Variants in NOL4L observed in about 807,000 individuals in gnomAD.
NOL4L encodes the protein nucleolar protein 4 like.
Under a neutral mutation model 64.5 loss-of-function variants are expected in NOL4L, and 7 were observed. The ratio of observed to expected loss-of-function variants is 0.11; its 90% CI spans 0.06 to 0.20. The LOEUF is 0.20. NOL4L is among the 10% of genes least tolerant of loss of function. NOL4L has a pLI of 1.00. For synonymous variants in NOL4L, 413 were observed against 401.0 expected, an observed-to-expected ratio of 1.03 and a Z score of -0.36; for missense variants, 680 against 967.1, an observed-to-expected ratio of 0.70 and a Z score of 3.94.
In NOL4L at chr20:32,463,233, C is replaced by T. The variant is rs1378335431; in HGVS notation, c.842-6838G>A. The stretch of plus-strand genomic sequence containing the variant: ...GGAAGCTGGGAGTTCTGGATGGACC[C>T]TCCACACCTGGAGCTGGAAGTGGAA... On this transcript the variant is annotated intron_variant, in intron 5 of 10. Transcript: ENST00000621426. The surrounding 1 kb of genome is among the most constrained non-coding windows in gnomAD (Gnocchi z 5.8). Among the ~76,000 whole-genome samples, 1 of 152,226 alleles carries T rather than the reference C, an allele frequency of 6.6e-6. No homozygotes were observed. Among genetic ancestry groups the T allele is most frequent in the Non-Finnish European group, 1.5e-5 (1 of 68,028 alleles).
intron 5 of NOL4L, among the ~76,000 whole-genome samples, chr20:32,462,511 G>A (rs1361905240): frequency 1.3e-5 from 2 of 152,160 alleles, no homozygotes; most frequent in Non-Finnish European, 2.9e-5. Flanking sequence ...ACCTGGCCAG[G>A]AGAACGCGCC....
intron 1 of NOL4L, chr20:32,548,499 A>G (rs1260746739): frequency 6.4e-6 from 1 of 155,830 alleles, no homozygotes; most frequent in South Asian, 1.8e-4. Flanking sequence ...AGATCATGTG[A>G]ACTGAGATCT....
chr20:32,561,713 C>T (rs1416182752), intron 1 of NOL4L, among the ~76,000 whole-genome samples: 2 of 152,216 alleles, frequency 1.3e-5, no homozygotes, highest in African/African-American at 4.8e-5. Flanking sequence ...GCCCAAATCC[C>T]AGCTTTGTCT....
chr20:32,451,132 C>G (rs1468359449), intron 10 of NOL4L, among the ~76,000 whole-genome samples: 2 of 152,122 alleles, frequency 1.3e-5, no homozygotes, highest in African/African-American at 4.8e-5. Context: ...CATGTTTAGC[C>G]AAGACCTTGC....
At chr20:32,512,022 A>G (rs1016143122) in intron 3 of NOL4L, among the ~76,000 whole-genome samples, 2 of 152,090 alleles carry the variant, frequency 1.3e-5, no homozygotes, top group African/African-American at 4.8e-5. Flanking sequence ...CTAAAAAACA[A>G]ACAAAAAAAC....
intron 1 of NOL4L, among the ~76,000 whole-genome samples, chr20:32,543,354 T>A (rs570335604): frequency 2.1e-4 from 32 of 152,240 alleles, no homozygotes; most frequent in African/African-American, 7.7e-4. Flanking sequence ...GCACGGTGGC[T>A]CATGCCTGTA....
intron 4 of NOL4L, chr20:32,475,112 T>C (rs750156705): frequency 1.4e-4 from 137 of 985,298 alleles, no homozygotes; most frequent in Non-Finnish European, 1.6e-4. Context: ...CGGGGCTCAC[T>C]CTGCACAGGA....
intron 1 of NOL4L, among the ~76,000 whole-genome samples, chr20:32,582,810 C>T (rs1365975316): frequency 6.6e-6 from 1 of 152,174 alleles, no homozygotes; most frequent in African/African-American, 2.4e-5. Flanking sequence ...AACCGCCCTC[C>T]GGCGGGGGGC....
At chr20:32,546,423 G>A (rs1412416340) in intron 1 of NOL4L, among the ~76,000 whole-genome samples, 1 of 152,022 alleles carries the variant, frequency 6.6e-6, no homozygotes, top group Non-Finnish European at 1.5e-5. Flanking sequence ...TTTTAGTAGA[G>A]ACAGGGTTTC....
intron 1 of NOL4L, among the ~76,000 whole-genome samples, chr20:32,559,692 C>T (rs889291105): frequency 4.6e-5 from 7 of 152,216 alleles, no homozygotes; most frequent in Non-Finnish European, 8.8e-5. Context: ...TGGCCTAGTT[C>T]TGAGGGCCCA....
At chr20:32,521,846 A>C (rs1163343737) in intron 2 of NOL4L, among the ~76,000 whole-genome samples, 1 of 152,126 alleles carries the variant, frequency 6.6e-6, no homozygotes, top group African/African-American at 2.4e-5. Context: ...CTGGTTTTCC[A>C]TGTGCTTCCT....
In NOL4L at chr20:32,527,885, C is replaced by T. The variant is rs1352025849; in HGVS notation, c.350G>A (p.Gly117Asp). The T allele has an allele frequency of 1.3e-6, 2 of 1,550,464 alleles. No homozygotes were observed. The highest frequency in any genetic ancestry group is 1.7e-6 in the Non-Finnish European group (2 of 1,146,916). Residue 117 changes from glycine to aspartate, a missense_variant, in exon 2 of 11, where the codon GGC (glycine) becomes GAC (aspartate). Around this residue, in one of 4 missense-constraint regions of NOL4L, gnomAD observed 181 missense variants for 335.2 expected, o/e 0.54. Transcript: ENST00000621426. ...CACAGCGACCCGCTTCAGAGAGATG[C>T]CCTCTGGCTCCGACAGGCCATCTGC... The part of the protein sequence containing the change: ...SGADGLSEPE[G>D]ISLKRVAVVE...
intron 1 of NOL4L, among the ~76,000 whole-genome samples, chr20:32,547,776 C>G (rs745485791): frequency 6.6e-5 from 10 of 152,152 alleles, no homozygotes; most frequent in African/African-American, 2.4e-4. Flanking sequence ...GGATTTGAGG[C>G]CCCTGGAAGC....
intron 1 of NOL4L, among the ~76,000 whole-genome samples, chr20:32,551,237 G>A (rs1004422466): frequency 1.5e-4 from 23 of 152,038 alleles, no homozygotes; most frequent in Admixed American, 1.4e-3. Context: ...TTAGCCGGGC[G>A]TGATGGTGGG....
At chr20:32,477,212 G>A (rs1053927993) in intron 4 of NOL4L, among the ~76,000 whole-genome samples, 6 of 152,216 alleles carry the variant, frequency 3.9e-5, no homozygotes, top group African/African-American at 7.2e-5. Context: ...CCCTGGACTT[G>A]TGGTATTTCA....
At chr20:32,560,800 C>T (rs1322270322) in intron 1 of NOL4L, among the ~76,000 whole-genome samples, 4 of 152,254 alleles carry the variant, frequency 2.6e-5, no homozygotes, top group Non-Finnish European at 5.9e-5. Context: ...GACAGACTGA[C>T]GGATGGGACT....
intron 5 of NOL4L, among the ~76,000 whole-genome samples, chr20:32,466,890 T>C (rs1484337113): frequency 1.3e-5 from 2 of 152,094 alleles, no homozygotes; most frequent in African/African-American, 4.8e-5. Context: ...GCCATGAGTG[T>C]TGGGTCCACG....
intron 1 of NOL4L, among the ~76,000 whole-genome samples, chr20:32,567,779 G>C (rs1056599890): frequency 6.6e-6 from 1 of 152,110 alleles, no homozygotes; most frequent in African/African-American, 2.4e-5. Context: ...GGCACCCACT[G>C]AGTACTCAAT....
intron 1 of NOL4L, among the ~76,000 whole-genome samples, chr20:32,556,566 GGA>G (rs1381417410): frequency 6.6e-6 from 1 of 152,158 alleles, no homozygotes; most frequent in Non-Finnish European, 1.5e-5. Flanking sequence ...GCTCAGAAAG[GGA>G]GAGAGAGTGG....
Sources: allele counts gnomAD v4.1 joint callset (sites outside exome capture counted in the v4.1 genomes callset), GRCh38; gene constraint gnomAD v4.1.1; regional missense constraint gnomAD v4.1.1; non-coding constraint Gnocchi (gnomAD v3.1); transcripts MANE v1.5; gene names NCBI Gene and HGNC (gene_info 2026-07-23, HGNC 2026-07-21).